PTPRT: variants seen among roughly 807,000 people sequenced by gnomAD.
PTPRT encodes receptor-type tyrosine-protein phosphatase T.
In PTPRT, 56 loss-of-function variants were observed where a neutral mutation model predicts 176.8. That is an observed-to-expected ratio of 0.32 (90% CI 0.26 to 0.40). The LOEUF (loss-of-function observed/expected upper bound fraction) is 0.40. PTPRT is among the 10% of genes least tolerant of loss of function. The pLI, the probability that PTPRT is intolerant of heterozygous loss-of-function variation, is 1.00. For missense variants in PTPRT, 1,540 were observed against 1,908.2 expected, an observed-to-expected ratio of 0.81 and a Z score of 3.60; for synonymous variants, 783 against 739.0, an observed-to-expected ratio of 1.06 and a Z score of -0.96.
At chr20:42,061,736 G>A in the PTPRT span, among the ~76,000 whole-genome samples, 5 of 152,256 alleles carry the variant, frequency 3.3e-5, no homozygotes, top group African/African-American at 9.6e-5. Flanking sequence ...GAGTTTCCTT[G>A]GATGAACCTT....
intron 11 of PTPRT, among the ~76,000 whole-genome samples, chr20:42,329,504 TACACACACAC>T (rs1254341273): frequency 8.3e-6 from 1 of 121,158 alleles, no homozygotes; most frequent in African/African-American, 2.9e-5. Context: ...CACACACACA[TACACACACAC>T]ACACACACAC....
At chr20:42,679,936 T>C (rs1210931560) in intron 6 of PTPRT, among the ~76,000 whole-genome samples, 1 of 152,180 alleles carries the variant, frequency 6.6e-6, no homozygotes, top group East Asian at 1.9e-4. Context: ...TGGGATTATA[T>C]GTCAAAGGGT....
At chr20:43,072,045 T>C (rs2011188133) in intron 1 of PTPRT, among the ~76,000 whole-genome samples, 1 of 152,202 alleles carries the variant, frequency 6.6e-6, no homozygotes, top group Admixed American at 6.5e-5. Context: ...AAATCAGCAC[T>C]TGCCTTTCTC....
intron 7 of PTPRT, among the ~76,000 whole-genome samples, chr20:42,509,905 G>A (rs955247402): frequency 1.6e-4 from 25 of 152,096 alleles, no homozygotes; most frequent in African/African-American, 5.8e-4. Context: ...AGGGACCTCT[G>A]ATCATATAGA....
intron 8 of PTPRT, among the ~76,000 whole-genome samples, chr20:42,450,156 T>C (rs1413151303): frequency 2.6e-5 from 4 of 152,260 alleles, no homozygotes; most frequent in Non-Finnish European, 4.4e-5. Context: ...TTGGTTTGAA[T>C]TCTTCATGAT....
At chr20:43,033,203 G>A (rs1434593480) in intron 1 of PTPRT, among the ~76,000 whole-genome samples, 1 of 152,116 alleles carries the variant, frequency 6.6e-6, no homozygotes, top group Non-Finnish European at 1.5e-5. Context: ...AACAAGTCCA[G>A]GGCCACATGT....
At chr20:43,166,310 A>C (rs1355250302) in intron 1 of PTPRT, among the ~76,000 whole-genome samples, 1 of 151,668 alleles carries the variant, frequency 6.6e-6, no homozygotes, top group Non-Finnish European at 1.5e-5. Flanking sequence ...CCCGGGCGAC[A>C]GAGCAAGACT....
At chr20:42,453,841 T>G (rs945394396) in intron 8 of PTPRT, among the ~76,000 whole-genome samples, 2 of 150,836 alleles carry the variant, frequency 1.3e-5, no homozygotes, top group Non-Finnish European at 3.0e-5. Context: ...CGGCTAATTT[T>G]TTTTTTTTTT....
intron 16 of PTPRT, among the ~76,000 whole-genome samples, chr20:42,177,575 C>T (rs746522534): frequency 9.8e-5 from 15 of 152,324 alleles, no homozygotes; most frequent in Middle Eastern, 3.4e-3. Context: ...AAATGCCAAA[C>T]TACTTTGTTT....
At chr20:42,840,661 T>A (rs13043127) in intron 2 of PTPRT, among the ~76,000 whole-genome samples, 26,837 of 152,042 alleles carry the variant, frequency 0.18, 2,407 homozygotes, top group South Asian at 0.27. Context: ...GATCTGCCCA[T>A]CTTGGCCTCC....
rs3973897 is a variant in PTPRT at position 42,841,610 on chromosome 20, T to TACAC, written c.214+44193_214+44196dup. Among the ~76,000 whole-genome samples, 1,066 of 140,990 alleles carry TACAC rather than the reference T, an allele frequency of 7.6e-3. 7 individuals carry two copies. The highest frequency in any genetic ancestry group is 0.02 in the African/African-American group (762 of 37,814). 92.5% of individuals were successfully genotyped at this position (140,990 alleles called of 152,430 possible). ...ACAGCCAAATGAATTTAGTGTTAAA[T>TACAC]ACACACACACACACACACACACACA... On this transcript the variant is annotated intron_variant, in intron 2 of 30. Coordinates refer to ENST00000373187, the MANE Select transcript of PTPRT (RefSeq NM_007050.6).
intron 11 of PTPRT, among the ~76,000 whole-genome samples, chr20:42,350,239 T>TTC (rs1568799154): frequency 0.013 from 1,757 of 138,508 alleles, 78 homozygotes; most frequent in East Asian, 0.084. Context: ...TTTTTTTTTT[T>TTC]TTTTTTTGAG....
chr20:42,448,734 A>C (rs567248003), intron 8 of PTPRT, among the ~76,000 whole-genome samples: 1 of 152,248 alleles, frequency 6.6e-6, no homozygotes, highest in African/African-American at 2.4e-5. Context: ...AGAGGTGGGA[A>C]TCTGAAATGA....
intron 12 of PTPRT, among the ~76,000 whole-genome samples, chr20:42,306,736 C>G (rs180829887): frequency 6.6e-6 from 1 of 152,244 alleles, no homozygotes; most frequent in East Asian, 1.9e-4. Flanking sequence ...ATTGGAAGAC[C>G]GTTGCTTTTC....
chr20:43,040,471 A>C (rs1274242888), intron 1 of PTPRT, among the ~76,000 whole-genome samples: 1 of 152,328 alleles, frequency 6.6e-6, no homozygotes, highest in South Asian at 2.1e-4. Flanking sequence ...AATACACGAA[A>C]TTATAACAGC....
the PTPRT span, among the ~76,000 whole-genome samples, chr20:42,047,605 T>C: frequency 1.3e-5 from 2 of 152,246 alleles, no homozygotes; most frequent in African/African-American, 4.8e-5. Context: ...GGTATATTCA[T>C]TAGCTTCTTG....
chr20:42,448,123 C>A, intron 9 of PTPRT, 97 bp downstream of exon 9: 1 of 962,228 alleles, frequency 1.0e-6, no homozygotes, highest in South Asian at 1.4e-5. Context: ...ATCTTACTCA[C>A]CTTTATACGT....
intron 7 of PTPRT, among the ~76,000 whole-genome samples, chr20:42,631,931 G>A (rs563446312): frequency 1.8e-4 from 27 of 152,218 alleles, no homozygotes; most frequent in Middle Eastern, 6.8e-3. Flanking sequence ...TGTGTATCTG[G>A]GGTCTTGGGA....
At chr20:42,308,926 G>T (rs1392461978) in intron 12 of PTPRT, among the ~76,000 whole-genome samples, 2 of 152,166 alleles carry the variant, frequency 1.3e-5, no homozygotes, top group African/African-American at 4.8e-5. Flanking sequence ...TATACTGCAA[G>T]CATCATGACC....
Sources: gnomAD v4.1 joint callset for allele counts (sites outside exome capture counted in the v4.1 genomes callset) on GRCh38, gnomAD v4.1.1 for gene constraint, MANE v1.5 for transcripts, NCBI Gene and HGNC (gene_info 2026-07-23, HGNC 2026-07-21) for gene names.